Variants in ADAMTS12 observed in about 807,000 individuals in gnomAD.
ADAMTS12 encodes the protein ADAM metallopeptidase with thrombospondin type 1 motif 12, also known as A disintegrin and metalloproteinase with thrombospondin motifs 12.
ADAMTS12 carries 118 observed loss-of-function variants against 167.8 expected under a neutral mutation model. The observed-to-expected ratio is 0.70, with a 90% CI of 0.61 to 0.82. The LOEUF is 0.82. Among genes scored for constraint, ADAMTS12 ranks in the 40% least tolerant of loss-of-function variants. The probability of loss-of-function intolerance (pLI) is 0.00; values close to 1 mark genes in which losing one functional copy is unlikely to be tolerated. For synonymous variants in ADAMTS12, 704 were observed against 716.9 expected (o/e 0.98, Z 0.29); for missense variants, 1,916 against 1,998.8 (o/e 0.96, Z 0.79).
At chr5:33,822,357 C>T (rs1747898218) in intron 2 of ADAMTS12, among the ~76,000 whole-genome samples, 1 of 152,186 alleles carries the variant, frequency 6.6e-6, no homozygotes, top group Admixed American at 6.5e-5. Context: ...CATGCAAGCA[C>T]AGCCCTGGGA....
intron 5 of ADAMTS12, among the ~76,000 whole-genome samples, chr5:33,668,833 C>T (rs1316074403): frequency 2.0e-5 from 3 of 152,144 alleles, no homozygotes; most frequent in Non-Finnish European, 2.9e-5. Flanking sequence ...TCCCTCTTAC[C>T]CTGCAAGTCA....
chr5:33,773,944 A>AC (rs1745828480), intron 2 of ADAMTS12, among the ~76,000 whole-genome samples: 1 of 152,178 alleles, frequency 6.6e-6, no homozygotes, highest in Non-Finnish European at 1.5e-5. Context: ...GTGCAAAAGT[A>AC]CGTACACACA....
intron 12 of ADAMTS12, among the ~76,000 whole-genome samples, chr5:33,635,110 T>G (rs557229847): frequency 6.6e-6 from 1 of 152,312 alleles, no homozygotes. Context: ...TTGGTTAAGA[T>G]GCTTAAGAGG....
intron 2 of ADAMTS12, among the ~76,000 whole-genome samples, chr5:33,812,177 T>C (rs559026831): frequency 1.3e-5 from 2 of 152,220 alleles, no homozygotes; most frequent in South Asian, 2.1e-4. Flanking sequence ...TGGTCCCAGC[T>C]ACTTGGGAGG....
At position 33,848,962 on chromosome 5, in the gene ADAMTS12, A is replaced by C. The variant is rs191214730; in HGVS notation, c.489+32157T>G. 8.0e-4 allele frequency among the ~76,000 whole-genome samples: 121 copies of C among 150,840 alleles called. 1 individual carries two copies. Among genetic ancestry groups the C allele is most frequent in the Admixed American group, 5.1e-3 (77 of 15,114 alleles). On this transcript the variant is annotated intron_variant, in intron 2 of 23. Coordinates refer to ENST00000504830, the MANE Select transcript of ADAMTS12 (RefSeq NM_030955.4). ...TAAGCTGTTGAGAAGAGACATCTAT[A>C]TATATGTATTGCATAGCAATATATA...
rs148770017 is a variant in ADAMTS12 at position 33,645,188 on chromosome 5, G to A, written c.1480-1718C>T. Among the ~76,000 whole-genome samples the A allele has an allele frequency of 4.8e-4, 68 of 140,922 alleles. 1 individual carries two copies. The highest frequency in any genetic ancestry group is 1.7e-3 in the African/African-American group (62 of 36,876). The allele number at this position is 140,922 out of a possible 152,430, so 92.5% of individuals were successfully genotyped here. On this transcript the variant is annotated intron_variant, in intron 9 of 23. Coordinates refer to ENST00000504830, the MANE Select transcript of ADAMTS12 (RefSeq NM_030955.4). ...TTATTATTATTATTATTATTATTGC[G>A]TGAAGGCACTCAAGCTATAAGGGGT...
Position 33,609,841 on chromosome 5 carries a change from TA to T in ADAMTS12, c.2527+4396del, listed in dbSNP as rs551735412. Among the ~76,000 whole-genome samples, 50 of 152,320 alleles carry T rather than the reference TA, an allele frequency of 3.3e-4. No homozygotes were observed. In the East Asian group the frequency reaches 9.3e-3, roughly 28 times the overall value. ...AAATAATTCAGTCTTAATAAAGATT[TA>T]TGGTCCAACAACTTAGTAGCCATCT... is the stretch of plus-strand genomic sequence containing the variant. On this transcript the variant is annotated intron_variant, in intron 16 of 23. Coordinates refer to ENST00000504830, the MANE Select transcript of ADAMTS12 (RefSeq NM_030955.4).
chr5:33,758,509 TG>T (rs1442095707), intron 2 of ADAMTS12, among the ~76,000 whole-genome samples: 1 of 152,086 alleles, frequency 6.6e-6, no homozygotes, highest in Non-Finnish European at 1.5e-5. Context: ...ACAACAGCAG[TG>T]GGCTTGTCTG....
intron 3 of ADAMTS12, among the ~76,000 whole-genome samples, chr5:33,716,169 A>T (rs1276140713): frequency 1.3e-5 from 2 of 152,098 alleles, no homozygotes; most frequent in Non-Finnish European, 2.9e-5. Context: ...CCCTTATAAA[A>T]GAGGCCTGAG....
chr5:33,830,996 C>G (rs1748276779), intron 2 of ADAMTS12, among the ~76,000 whole-genome samples: 1 of 152,024 alleles, frequency 6.6e-6, no homozygotes, highest in Non-Finnish European at 1.5e-5. Context: ...GATTTAATTC[C>G]ATTTTCAAAA....
intron 3 of ADAMTS12, among the ~76,000 whole-genome samples, chr5:33,727,925 C>G (rs1254158432): frequency 6.6e-6 from 1 of 152,198 alleles, no homozygotes; most frequent in African/African-American, 2.4e-5. Context: ...GAGAGCATGG[C>G]ACCTGTCACA....
At position 33,544,598 on chromosome 5, in the gene ADAMTS12, C is replaced by G. The variant is rs531119950; in HGVS notation, c.4446+1461G>C. Among the ~76,000 whole-genome samples, 25 of 152,284 alleles carry G rather than the reference C, an allele frequency of 1.6e-4. 1 individual carries two copies. In the South Asian group the frequency reaches 4.6e-3, roughly 28 times the overall value. On this transcript the variant is annotated intron_variant, in intron 22 of 23. Coordinates refer to ENST00000504830, the MANE Select transcript of ADAMTS12 (RefSeq NM_030955.4). ...AACAAAGCTGGAGGCATCATACTAC[C>G]TGACTTCAAATTATACTACAAGGCT...
intron 12 of ADAMTS12, 109 bp from the exon 13 acceptor site, chr5:33,631,022 C>T: frequency 7.5e-7 from 1 of 1,331,764 alleles, no homozygotes; most frequent in Non-Finnish European, 1.0e-6. Flanking sequence ...CTCTGGCAAT[C>T]CCACCTTTTC....
intron 10 of ADAMTS12, among the ~76,000 whole-genome samples, chr5:33,642,991 A>G (rs1740520483): frequency 8.3e-6 from 1 of 119,844 alleles, no homozygotes; most frequent in Admixed American, 9.0e-5. Flanking sequence ...TAAGTGGCCT[A>G]AATCCTGCAT....
intron 19 of ADAMTS12, among the ~76,000 whole-genome samples, chr5:33,575,141 C>T (rs2111957582): frequency 6.6e-6 from 1 of 152,188 alleles, no homozygotes; most frequent in Non-Finnish European, 1.5e-5. Flanking sequence ...TATTCTAATT[C>T]TTTCAATAAG....
intron 2 of ADAMTS12, among the ~76,000 whole-genome samples, chr5:33,822,992 G>A (rs1045277673): frequency 2.0e-5 from 3 of 151,630 alleles, no homozygotes; most frequent in Admixed American, 1.3e-4. Context: ...TTGGGAGGCT[G>A]AGGTGGGAGG....
chr5:33,740,279 C>A (rs1025366344), intron 3 of ADAMTS12, among the ~76,000 whole-genome samples: 47 of 152,168 alleles, frequency 3.1e-4, no homozygotes, highest in African/African-American at 1.1e-3. Flanking sequence ...GCAAATAATA[C>A]AGCAGTCTCA....
intron 2 of ADAMTS12, among the ~76,000 whole-genome samples, chr5:33,772,819 G>A (rs1357392068): frequency 6.6e-6 from 1 of 152,210 alleles, no homozygotes; most frequent in Non-Finnish European, 1.5e-5. Context: ...CACGTGTGAT[G>A]TAAATAAGGC....
intron 3 of ADAMTS12, among the ~76,000 whole-genome samples, chr5:33,705,374 T>A (rs907469367): frequency 6.6e-6 from 1 of 152,074 alleles, no homozygotes; most frequent in Non-Finnish European, 1.5e-5. Flanking sequence ...AATTTTTAAA[T>A]GGATTGTTTT....
Sources: gnomAD v4.1 joint callset for allele counts (sites outside exome capture counted in the v4.1 genomes callset) on GRCh38, gnomAD v4.1.1 for gene constraint, MANE v1.5 for transcripts, NCBI Gene and HGNC (gene_info 2026-07-23, HGNC 2026-07-21) for gene names.